PRKCB: variants seen among roughly 807,000 people sequenced by gnomAD.
PRKCB encodes the protein protein kinase C beta.
PRKCB carries 13 observed loss-of-function variants against 81.5 expected under a neutral mutation model. That is an observed-to-expected ratio of 0.16 (90% CI 0.10 to 0.25). PRKCB has a LOEUF of 0.25. PRKCB is among the 10% of genes least tolerant of loss of function. The pLI is 1.00. For synonymous variants in PRKCB, 335 were observed against 321.4 expected (o/e 1.04, Z -0.45); for missense variants, 509 against 875.7 (o/e 0.58, Z 5.29).
At chr16:23,850,659 T>C (rs1962457829) in intron 2 of PRKCB, among the ~76,000 whole-genome samples, 1 of 152,202 alleles carries the variant, frequency 6.6e-6, no homozygotes, top group African/African-American at 2.4e-5. Flanking sequence ...GCCACCATGC[T>C]CGGTGGTAGT....
intron 2 of PRKCB, among the ~76,000 whole-genome samples, chr16:23,936,579 ATTTTTTTTTT>A (rs57643578): frequency 1.7e-4 from 16 of 96,036 alleles, no homozygotes; most frequent in East Asian, 6.4e-4. Context: ...CACCCAACTA[ATTTTTTTTTT>A]TTTTTTTTTT....
At chr16:24,142,354 T>C (rs867547767) in intron 9 of PRKCB, among the ~76,000 whole-genome samples, 1 of 152,226 alleles carries the variant, frequency 6.6e-6, no homozygotes, top group African/African-American at 2.4e-5. Flanking sequence ...ATGCAGAAGT[T>C]AACCTCCATT....
chr16:24,153,194 T>A (rs561228664), intron 9 of PRKCB, among the ~76,000 whole-genome samples: 1 of 152,322 alleles, frequency 6.6e-6, no homozygotes, highest in Non-Finnish European at 1.5e-5. Context: ...GAGTCCTCTG[T>A]TGCATCCTCT....
At chr16:24,040,840 G>T (rs1324572672) in intron 5 of PRKCB, among the ~76,000 whole-genome samples, 1 of 152,046 alleles carries the variant, frequency 6.6e-6, no homozygotes, top group Non-Finnish European at 1.5e-5. Context: ...AATGTTACTG[G>T]GACTGAGACC....
At chr16:24,070,571 T>C (rs113696804) in intron 5 of PRKCB, among the ~76,000 whole-genome samples, 2,400 of 152,124 alleles carry the variant, frequency 0.016, 68 homozygotes, top group African/African-American at 0.055. Context: ...AGTTGTTGAG[T>C]GTAAAATAGG....
intron 16 of PRKCB, among the ~76,000 whole-genome samples, chr16:24,198,821 G>A (rs1482326044): frequency 6.6e-6 from 1 of 152,226 alleles, no homozygotes; most frequent in Non-Finnish European, 1.5e-5. Context: ...GGCAGGGCTT[G>A]AGGAGTACAA....
At chr16:24,175,635 A>C (rs1405617351) in intron 12 of PRKCB, among the ~76,000 whole-genome samples, 1 of 151,692 alleles carries the variant, frequency 6.6e-6, no homozygotes, top group Non-Finnish European at 1.5e-5. Flanking sequence ...GGGTGACTTG[A>C]GAGTCCTGGG....
intron 2 of PRKCB, among the ~76,000 whole-genome samples, chr16:23,986,001 G>A (rs534100905): frequency 1.7e-3 from 264 of 152,198 alleles, no homozygotes; most frequent in Non-Finnish European, 3.0e-3. Context: ...GGGACAATTG[G>A]TTACCTCTTT....
intron 4 of PRKCB, among the ~76,000 whole-genome samples, chr16:24,032,821 A>C (rs1345994334): frequency 1.3e-5 from 2 of 152,222 alleles, no homozygotes; most frequent in Non-Finnish European, 2.9e-5. Flanking sequence ...GCACAGTCAC[A>C]GTGTGGGAAG....
chr16:24,007,956 T>C (rs1332906582), intron 3 of PRKCB, among the ~76,000 whole-genome samples: 1 of 149,674 alleles, frequency 6.7e-6, no homozygotes, highest in Non-Finnish European at 1.5e-5. Flanking sequence ...TCATGAGGGC[T>C]CCCCCACCTC....
At chr16:24,191,692 C>T (rs912881523) in intron 16 of PRKCB, 1 of 152,842 alleles carries the variant, frequency 6.5e-6, no homozygotes, top group Admixed American at 6.5e-5. Context: ...ATGTCTGAGT[C>T]AGTAAATAAG....
intron 2 of PRKCB, among the ~76,000 whole-genome samples, chr16:23,986,416 C>T (rs564650849): frequency 6.6e-6 from 1 of 151,864 alleles, no homozygotes; most frequent in Admixed American, 6.6e-5. Flanking sequence ...CCATGTCTGG[C>T]TAATCTTTTA....
chr16:24,208,731 G>A (rs987860262), intron 16 of PRKCB, among the ~76,000 whole-genome samples: 9 of 152,118 alleles, frequency 5.9e-5, no homozygotes, highest in African/African-American at 2.2e-4. Context: ...ATACTTCAAG[G>A]ACACAGCAGG....
At chr16:24,109,707 C>T (rs1337786415) in intron 7 of PRKCB, among the ~76,000 whole-genome samples, 6 of 134,900 alleles carry the variant, frequency 4.4e-5, no homozygotes, top group Non-Finnish European at 7.5e-5. Flanking sequence ...GACGGGGTGG[C>T]GGCCGGGCAG....
At chr16:24,160,902 C>T (rs777168620) in intron 10 of PRKCB, among the ~76,000 whole-genome samples, 5 of 152,072 alleles carry the variant, frequency 3.3e-5, no homozygotes, top group African/African-American at 4.8e-5. Flanking sequence ...TGAATGCCCG[C>T]GGCATGAGCA....
At chr16:24,109,306 C>T (rs1168823058) in intron 7 of PRKCB, among the ~76,000 whole-genome samples, 3 of 71,890 alleles carry the variant, frequency 4.2e-5, no homozygotes, top group African/African-American at 2.0e-4. Flanking sequence ...ACCTCCCTCC[C>T]GGATGGGGTG....
intron 13 of PRKCB, 123 bp from the exon 14 acceptor site, chr16:24,184,988 A>C (rs1219304990): frequency 6.1e-6 from 5 of 818,092 alleles, no homozygotes; most frequent in Non-Finnish European, 1.0e-5. Context: ...TCATTCCCTG[A>C]ATAGCTAATA....
intron 5 of PRKCB, among the ~76,000 whole-genome samples, chr16:24,076,664 A>G (rs1354050400): frequency 6.6e-6 from 1 of 152,148 alleles, no homozygotes; most frequent in Non-Finnish European, 1.5e-5. Context: ...TCAAACCTCA[A>G]CGTATTACCT....
intron 9 of PRKCB, among the ~76,000 whole-genome samples, chr16:24,145,095 C>A (rs1966969273): frequency 6.6e-6 from 1 of 152,024 alleles, no homozygotes; most frequent in Admixed American, 6.6e-5. Flanking sequence ...ATTGGAGTGA[C>A]CTGAACAAGA....
Sources: gnomAD v4.1 joint callset for allele counts (sites outside exome capture counted in the v4.1 genomes callset) on GRCh38, gnomAD v4.1.1 for gene constraint, MANE v1.5 for transcripts, NCBI Gene and HGNC (gene_info 2026-07-23, HGNC 2026-07-21) for gene names.